The following RFWD3 variants were observed in gnomAD, a reference collection of about 807,000 sequenced individuals.
RFWD3 encodes the protein E3 ubiquitin-protein ligase RFWD3.
A neutral mutation model predicts 87.7 loss-of-function variants in RFWD3; 65 were observed. That is an observed-to-expected ratio of 0.74 (90% CI 0.61 to 0.91). RFWD3 has a LOEUF of 0.91. Ranked by LOEUF, RFWD3 falls within the 40% of genes least tolerant of loss-of-function variation. RFWD3 has a pLI of 0.00. For missense variants in RFWD3, 1,078 were observed against 938.5 expected (o/e 1.15, Z -1.94); for synonymous variants, 433 against 352.8 (o/e 1.23, Z -2.55).
chr16:74,637,416 C>T (rs1277074204), intron 7 of RFWD3, among the ~76,000 whole-genome samples: 1 of 152,144 alleles, frequency 6.6e-6, no homozygotes, highest in Admixed American at 6.5e-5. Flanking sequence ...CACCTGAAGT[C>T]AGGTGTTCAA....
chr16:74,628,715 G>A (rs1372424909), intron 10 of RFWD3, 49 bp from the exon 11 acceptor site: 2 of 1,558,012 alleles, frequency 1.3e-6, no homozygotes, highest in Admixed American at 1.7e-5. Flanking sequence ...AACTCGGACG[G>A]CTCCAGACCC....
chr16:74,663,696 T>A (rs1961647950), intron 1 of RFWD3, among the ~76,000 whole-genome samples: 1 of 152,158 alleles, frequency 6.6e-6, no homozygotes, highest in Non-Finnish European at 1.5e-5. Context: ...AAACAGGGTA[T>A]GATATGCAAA....
chr16:74,665,700 C>T (rs1402413922), intron 1 of RFWD3, among the ~76,000 whole-genome samples: 4 of 152,150 alleles, frequency 2.6e-5, no homozygotes, highest in Non-Finnish European at 5.9e-5. Context: ...TTCGAGACTG[C>T]AGTGAGCTCT....
intron 2 of RFWD3, among the ~76,000 whole-genome samples, chr16:74,657,300 T>A (rs1961063117): frequency 6.6e-6 from 1 of 152,124 alleles, no homozygotes; most frequent in South Asian, 2.1e-4. Context: ...TCAATGAGAT[T>A]CGGCTGTTTT....
At chr16:74,634,327 T>G (rs1490296443) in intron 8 of RFWD3, among the ~76,000 whole-genome samples, 2 of 152,072 alleles carry the variant, frequency 1.3e-5, no homozygotes, top group Non-Finnish European at 2.9e-5. Flanking sequence ...AACTTCTTGT[T>G]ACTCTGTTCT....
At chr16:74,663,061 C>T (rs56099065) in intron 1 of RFWD3, among the ~76,000 whole-genome samples, 87,494 of 151,222 alleles carry the variant, frequency 0.58, 26,523 homozygotes, top group East Asian at 0.8. Flanking sequence ...CCTGCCACCA[C>T]GCCTGGCTAA....
intron 8 of RFWD3, among the ~76,000 whole-genome samples, chr16:74,633,319 G>A (rs1959164119): frequency 6.8e-6 from 1 of 147,892 alleles, no homozygotes; most frequent in Non-Finnish European, 1.5e-5. Context: ...TACAACCCAT[G>A]CTTGCTTCAT....
intron 8 of RFWD3, among the ~76,000 whole-genome samples, chr16:74,635,232 G>C (rs1325156047): frequency 6.6e-6 from 1 of 151,924 alleles, no homozygotes; most frequent in Non-Finnish European, 1.5e-5. Context: ...AGCCGAGATA[G>C]AGACAGCGCC....
intron 10 of RFWD3, 115 bp from the exon 11 acceptor site, chr16:74,628,781 G>A (rs764322759): frequency 5.1e-5 from 40 of 789,650 alleles, no homozygotes; most frequent in Non-Finnish European, 7.9e-5. Context: ...AACGCCTTTA[G>A]TCACTATCCT....
intron 3 of RFWD3, among the ~76,000 whole-genome samples, chr16:74,650,541 G>A (rs868188059): frequency 2.6e-5 from 4 of 152,016 alleles, no homozygotes; most frequent in Middle Eastern, 3.2e-3. Context: ...GTATTAAAAG[G>A]AATCCCATCA....
rs144397177 is a variant in RFWD3 at position 74,630,927 on chromosome 16, A to G, written c.1608T>C (p.Tyr536=). ...SLETNTVVQT[Y]NAGRPVWSCC... is the part of the protein sequence containing the mutation. ...AGCTCCAGACAGGACGTCCAGCATT[A>G]TAAGTCTGGACCACGGTATTTGTCT... The change falls in exon 10 of 13, where the codon TAT becomes TAC. Residue 536 remains tyrosine (Y), a synonymous_variant. Transcript: ENST00000361070. The G allele has an allele frequency of 5.2e-4, 845 of 1,613,724 alleles. 3 individuals are homozygous for G. The highest frequency in any genetic ancestry group is 2.6e-3 in the Middle Eastern group (16 of 6,058).
At chr16:74,625,137 T>A (rs1958889586) in intron 12 of RFWD3, among the ~76,000 whole-genome samples, 2 of 149,530 alleles carry the variant, frequency 1.3e-5, no homozygotes, top group African/African-American at 2.5e-5. Flanking sequence ...GAGGTGGAGG[T>A]TGTAGTAAGC....
chr16:74,634,844 T>TTTAAATCA (rs1959180658), intron 8 of RFWD3, among the ~76,000 whole-genome samples: 1 of 151,820 alleles, frequency 6.6e-6, no homozygotes, highest in Non-Finnish European at 1.5e-5. Context: ...AGGTATAGGC[T>TTTAAATCA]TTAAATCAAC....
rs924191788 is a variant in RFWD3 at position 74,623,781 on chromosome 16, A to T, written c.*147T>A. 1.1e-5 allele frequency: 8 copies of T among 759,450 alleles called. No homozygotes were observed. In the African/African-American group the frequency reaches 1.4e-4, roughly 13 times the overall value. The allele number at this position is 759,450 out of a possible 1,614,324, so 47.0% of individuals were successfully genotyped here. On this transcript the variant is annotated 3_prime_UTR_variant, in exon 13 of 13. Transcript: ENST00000361070. ...ACAATCTGTAGTGTCTCAGTGACCT[A>T]GGGTCCTAGAATCATACTAATGCAA... is the stretch of plus-strand genomic sequence containing the variant.
At chr16:74,647,578 GC>G (rs1336393504) in intron 4 of RFWD3, among the ~76,000 whole-genome samples, 1 of 151,848 alleles carries the variant, frequency 6.6e-6, no homozygotes, top group Admixed American at 6.6e-5. Flanking sequence ...GTGAGCCACT[GC>G]GCCCGGCCAA....
At chr16:74,662,560 G>A (rs1333861009) in intron 1 of RFWD3, among the ~76,000 whole-genome samples, 1 of 152,176 alleles carries the variant, frequency 6.6e-6, no homozygotes, top group East Asian at 1.9e-4. Flanking sequence ...TGTGAGGGAA[G>A]TACTCTTTTA....
intron 2 of RFWD3, among the ~76,000 whole-genome samples, chr16:74,654,048 C>T (rs1323486050): frequency 6.6e-6 from 1 of 152,038 alleles, no homozygotes; most frequent in Non-Finnish European, 1.5e-5. Flanking sequence ...AGCATAACCA[C>T]AAGGTTATGT....
chr16:74,640,984 CCTTT>C (rs1217020587), intron 6 of RFWD3, among the ~76,000 whole-genome samples: 4 of 151,720 alleles, frequency 2.6e-5, no homozygotes, highest in African/African-American at 9.7e-5. Context: ...AGAAATCTCT[CCTTT>C]TTTTTTAAAC....
intron 6 of RFWD3, among the ~76,000 whole-genome samples, chr16:74,640,218 C>G (rs1959513149): frequency 6.6e-6 from 1 of 150,792 alleles, no homozygotes; most frequent in Non-Finnish European, 1.5e-5. Context: ...TCTTGGCTCA[C>G]TGCAACCTCC....
Sources: allele counts gnomAD v4.1 joint callset (sites outside exome capture counted in the v4.1 genomes callset), GRCh38; gene constraint gnomAD v4.1.1; transcripts MANE v1.5; gene names NCBI Gene and HGNC (gene_info 2026-07-23, HGNC 2026-07-21).